The following SUPT3H variants were observed in gnomAD, a reference collection of about 807,000 sequenced individuals.
SUPT3H encodes SPT3 homolog, SAGA and STAGA complex component.
SUPT3H carries 44 observed loss-of-function variants against 44.3 expected under a neutral mutation model. The observed-to-expected ratio is 0.99, with a 90% CI of 0.78 to 1.28. The LOEUF is 1.28. SUPT3H is among the 50% of genes most tolerant of loss of function. The probability of loss-of-function intolerance (pLI) is 0.00; values close to 1 mark genes in which losing one functional copy is unlikely to be tolerated. For synonymous variants in SUPT3H, 124 were observed against 125.6 expected (o/e 0.99, Z 0.09); for missense variants, 380 against 387.1 (o/e 0.98, Z 0.15).
chr6:45,309,869 G>A (rs1783678465), intron 2 of SUPT3H, among the ~76,000 whole-genome samples: 1 of 152,128 alleles, frequency 6.6e-6, no homozygotes. Flanking sequence ...AAAGGATGGG[G>A]AGAAAATGTC....
At chr6:44,953,779 T>A (rs1453482800) in intron 8 of SUPT3H, among the ~76,000 whole-genome samples, 1 of 152,180 alleles carries the variant, frequency 6.6e-6, no homozygotes, top group Non-Finnish European at 1.5e-5. Flanking sequence ...TTGCCCAGGC[T>A]GGAGTGCAAT....
intron 3 of SUPT3H, chr6:45,098,763 T>C: frequency 2.1e-6 from 1 of 485,538 alleles, no homozygotes; most frequent in Non-Finnish European, 4.1e-6. Flanking sequence ...ACATCATCAC[T>C]ACCAGTTTGG....
intron 2 of SUPT3H, among the ~76,000 whole-genome samples, chr6:45,360,244 A>T (rs1047541780): frequency 1.3e-5 from 2 of 152,180 alleles, no homozygotes; most frequent in Admixed American, 1.3e-4. Context: ...CGTCTATAAA[A>T]GGGGAATAAT....
chr6:45,349,817 C>T (rs564673761), intron 2 of SUPT3H, among the ~76,000 whole-genome samples: 1 of 152,292 alleles, frequency 6.6e-6, no homozygotes, highest in Admixed American at 6.5e-5. Flanking sequence ...CAATTCCATC[C>T]ACTGCATAAT....
intron 2 of SUPT3H, among the ~76,000 whole-genome samples, chr6:45,290,052 C>T (rs984890140): frequency 6.6e-6 from 1 of 152,052 alleles, no homozygotes; most frequent in Admixed American, 6.6e-5. Flanking sequence ...TGGTGACACA[C>T]ACCTGTAGTC....
chr6:45,340,629 G>A (rs1789582204), intron 2 of SUPT3H, among the ~76,000 whole-genome samples: 1 of 151,632 alleles, frequency 6.6e-6, no homozygotes, highest in South Asian at 2.1e-4. Flanking sequence ...TGGCCTTTAG[G>A]TCGAGTTTGA....
intron 10 of SUPT3H, among the ~76,000 whole-genome samples, chr6:44,876,841 A>AAC (rs1777377874): frequency 6.6e-6 from 1 of 150,544 alleles, no homozygotes; most frequent in African/African-American, 2.4e-5. Context: ...CAATTGAAAA[A>AAC]AAAAAAAAAG....
At chr6:45,287,283 CAT>C (rs1779478664) in intron 2 of SUPT3H, among the ~76,000 whole-genome samples, 2 of 151,804 alleles carry the variant, frequency 1.3e-5, no homozygotes, top group Admixed American at 6.6e-5. Flanking sequence ...AAAATTATAA[CAT>C]GAGTGAATGG....
intron 10 of SUPT3H, among the ~76,000 whole-genome samples, chr6:44,848,746 A>AG (rs1199084607): frequency 1.3e-5 from 2 of 152,208 alleles, no homozygotes; most frequent in Non-Finnish European, 2.9e-5. Flanking sequence ...TCTGGAAAGC[A>AG]GGGGGGATTA....
chr6:45,176,241 G>T (rs1811816155), intron 2 of SUPT3H, among the ~76,000 whole-genome samples: 1 of 151,880 alleles, frequency 6.6e-6, no homozygotes, highest in Non-Finnish European at 1.5e-5. Flanking sequence ...GCCGAAGCAG[G>T]GCGAGGCATT....
intron 2 of SUPT3H, among the ~76,000 whole-genome samples, chr6:45,335,513 A>C (rs574138899): frequency 6.6e-6 from 1 of 151,440 alleles, no homozygotes; most frequent in South Asian, 2.1e-4. Flanking sequence ...AGCTCATTAA[A>C]ATACATTTTT....
At chr6:45,214,814 A>G (rs1365903259) in intron 2 of SUPT3H, among the ~76,000 whole-genome samples, 1 of 152,152 alleles carries the variant, frequency 6.6e-6, no homozygotes, top group Non-Finnish European at 1.5e-5. Flanking sequence ...ATGGCAGTGC[A>G]CTCCAAAATA....
Position 45,271,153 on chromosome 6 carries a change from G to T in SUPT3H, c.101+94048C>A, listed in dbSNP as rs549691264. The stretch of plus-strand genomic sequence containing the variant: ...TGGAAAATGTGCAGCCTGACAATGC[G>T]ACTGAAAAGAAAATCCCATTTTCTG... On this transcript the variant is annotated intron_variant, in intron 2 of 10. Transcript: ENST00000371459. Among the ~76,000 whole-genome samples, 8 of 152,292 alleles carry T rather than the reference G, an allele frequency of 5.3e-5. No homozygotes were observed. In the East Asian group the frequency reaches 1.4e-3, roughly 26 times the overall value.
chr6:44,869,610 G>A (rs1269475930), intron 10 of SUPT3H, among the ~76,000 whole-genome samples: 1 of 152,118 alleles, frequency 6.6e-6, no homozygotes, highest in African/African-American at 2.4e-5. Context: ...CTACCTAAAT[G>A]CAAAGAAATA....
At chr6:44,949,018 T>G (rs1258866287) in intron 9 of SUPT3H, among the ~76,000 whole-genome samples, 1 of 152,078 alleles carries the variant, frequency 6.6e-6, no homozygotes, top group East Asian at 1.9e-4. Context: ...TAGACTGGAT[T>G]AAGAAAATGT....
rs183804419 is a variant in SUPT3H, at chr6:45,026,201, G to C, written c.187-5569C>G. On this transcript the variant is annotated intron_variant, in intron 3 of 10. Coordinates refer to ENST00000371459, the MANE Select transcript of SUPT3H (RefSeq NM_003599.4). ...AGGCTATGAATGGTCAGCTCTGCTT[G>C]CAACCATATTTGCTAGCCAGAGATA... 6.1e-4 allele frequency among the ~76,000 whole-genome samples: 93 copies of C among 152,204 alleles called. No homozygotes were observed. The East Asian group carries it at 0.012, about 20-fold the overall frequency.
chr6:44,891,701 G>C (rs1763346938), intron 10 of SUPT3H, among the ~76,000 whole-genome samples: 1 of 151,952 alleles, frequency 6.6e-6, no homozygotes, highest in Non-Finnish European at 1.5e-5. Context: ...ACAACACTGT[G>C]AATGTACTGA....
intron 10 of SUPT3H, among the ~76,000 whole-genome samples, chr6:44,859,940 C>T (rs1392821907): frequency 6.6e-6 from 1 of 152,110 alleles, no homozygotes; most frequent in Non-Finnish European, 1.5e-5. Flanking sequence ...TGAGGAAGGG[C>T]TTCTGCAGAA....
intron 3 of SUPT3H, among the ~76,000 whole-genome samples, chr6:45,053,922 A>G (rs1439917515): frequency 1.3e-5 from 2 of 150,072 alleles, no homozygotes; most frequent in African/African-American, 4.9e-5. Flanking sequence ...CTCAAAAAAA[A>G]AAAAAAAAAA....
Sources: gnomAD v4.1 joint callset for allele counts (sites outside exome capture counted in the v4.1 genomes callset) on GRCh38, gnomAD v4.1.1 for gene constraint, MANE v1.5 for transcripts, NCBI Gene and HGNC (gene_info 2026-07-23, HGNC 2026-07-21) for gene names.